The following ATXN1 variants were observed in gnomAD, a reference collection of about 807,000 sequenced individuals.
ATXN1 encodes ataxin 1, also known as ataxin-1.
A neutral mutation model predicts 56.4 loss-of-function variants in ATXN1; 8 were observed. The observed-to-expected ratio is 0.14, with a 90% CI of 0.08 to 0.26. The LOEUF (loss-of-function observed/expected upper bound fraction) is 0.26. ATXN1 is among the 10% of genes least tolerant of loss of function. The pLI is 1.00. For synonymous variants in ATXN1, 514 were observed against 494.6 expected (o/e 1.04, Z -0.52); for missense variants, 987 against 1,106.5 (o/e 0.89, Z 1.53).
chr6:16,751,529 C>T (rs1299405761), intron 2 of ATXN1, among the ~76,000 whole-genome samples: 1 of 151,740 alleles, frequency 6.6e-6, no homozygotes. Flanking sequence ...TTTATTTTTA[C>T]TCAGACCACA....
rs369025784 is a variant in ATXN1 at position 16,314,015 on chromosome 6, A to T, written c.1918-7156T>A. Among the ~76,000 whole-genome samples the T allele has an allele frequency of 1.5e-4, 23 of 152,318 alleles. No individual in the cohort carries two copies. The East Asian group carries it at 3.7e-3, about 24-fold the overall frequency. ...CCCTGCGAAAAGATGCCACGACCAG[A>T]TATCAGCTGGGTCCATGAAAGCTGA... is the stretch of plus-strand genomic sequence containing the variant. On this transcript the variant is annotated intron_variant, in intron 7 of 7. Transcript: ENST00000436367.
At chr6:16,416,842 G>T (rs1369398812) in intron 6 of ATXN1, among the ~76,000 whole-genome samples, 1 of 152,146 alleles carries the variant, frequency 6.6e-6, no homozygotes, top group Non-Finnish European at 1.5e-5. Flanking sequence ...CCATAAAGCA[G>T]AAACCCCATA....
At chr6:16,682,149 G>C (rs571894343) in intron 2 of ATXN1, among the ~76,000 whole-genome samples, 1 of 150,578 alleles carries the variant, frequency 6.6e-6, no homozygotes, top group East Asian at 2.0e-4. Context: ...CCAGGCCTCA[G>C]CATCACCCCC....
At chr6:16,349,724 T>G (rs1232964302) in intron 6 of ATXN1, among the ~76,000 whole-genome samples, 1 of 152,104 alleles carries the variant, frequency 6.6e-6, no homozygotes, top group Non-Finnish European at 1.5e-5. Flanking sequence ...TAGAAAATAC[T>G]CCACACTAGT....
intron 6 of ATXN1, among the ~76,000 whole-genome samples, chr6:16,455,845 T>C (rs760013872): frequency 4.6e-5 from 7 of 152,126 alleles, no homozygotes; most frequent in African/African-American, 9.7e-5. Flanking sequence ...TATAAGAGGT[T>C]TGTAAAGCGC....
chr6:16,500,833 A>G (rs950039817), intron 5 of ATXN1, among the ~76,000 whole-genome samples: 18 of 152,118 alleles, frequency 1.2e-4, no homozygotes, highest in Admixed American at 6.6e-5. Flanking sequence ...AAGCTTAATC[A>G]GTAGTGAGTG....
intron 5 of ATXN1, among the ~76,000 whole-genome samples, chr6:16,486,783 G>A (rs1760555278): frequency 1.3e-5 from 2 of 152,088 alleles, no homozygotes; most frequent in Admixed American, 6.6e-5. Flanking sequence ...ATGCAGGAGC[G>A]TGGTTATTTG....
intron 4 of ATXN1, among the ~76,000 whole-genome samples, chr6:16,559,212 T>C (rs1762070341): frequency 6.6e-6 from 1 of 152,188 alleles, no homozygotes; most frequent in Non-Finnish European, 1.5e-5. Flanking sequence ...GAGGGCAATT[T>C]GGCAAGGTTT....
intron 4 of ATXN1, among the ~76,000 whole-genome samples, chr6:16,537,193 C>T (rs948101783): frequency 2.6e-5 from 4 of 151,948 alleles, no homozygotes; most frequent in Non-Finnish European, 4.4e-5. Context: ...GTGCATCAAC[C>T]GTCCCTGAAT....
At chr6:16,543,924 C>T (rs1216886412) in intron 4 of ATXN1, among the ~76,000 whole-genome samples, 1 of 152,142 alleles carries the variant, frequency 6.6e-6, no homozygotes, top group African/African-American at 2.4e-5. Context: ...TCGATTGCAG[C>T]ATGGGAAAAC....
intron 2 of ATXN1, among the ~76,000 whole-genome samples, chr6:16,694,861 G>A (rs1759127761): frequency 6.6e-6 from 1 of 152,166 alleles, no homozygotes; most frequent in South Asian, 2.1e-4. Flanking sequence ...TCCTCAAGTG[G>A]AGTCGAACTC....
chr6:16,587,115 T>A (rs754632274), intron 3 of ATXN1, among the ~76,000 whole-genome samples: 9 of 152,212 alleles, frequency 5.9e-5, no homozygotes, highest in Non-Finnish European at 1.0e-4. Flanking sequence ...GATTTGACTG[T>A]ACTTTGATTT....
intron 3 of ATXN1, among the ~76,000 whole-genome samples, chr6:16,621,525 C>T (rs1488031519): frequency 1.3e-5 from 2 of 152,168 alleles, no homozygotes; most frequent in African/African-American, 4.8e-5. Context: ...AGTTCAAGAC[C>T]ACCCTGGCCA....
chr6:16,305,855 C>A lies in ATXN1; in HGVS notation c.*474G>T, dbSNP rs760814802. 3.7e-4 allele frequency: 58 copies of A among 156,136 alleles called. 1 individual carries two copies. The highest frequency in any genetic ancestry group is 6.2e-4 in the Non-Finnish European group (44 of 70,520). 9.7% of individuals were successfully genotyped at this position (156,136 alleles called of 1,614,324 possible). On this transcript the variant is annotated 3_prime_UTR_variant, in exon 8 of 8. Coordinates refer to ENST00000436367, the MANE Select transcript of ATXN1 (RefSeq NM_001128164.2). Reference sequence around the variant, plus strand: ...AGGAGGACACTGCTCTGAACCCCCCCGGCCCATGCCGATAGCAAGAGAGTG... The same window carrying A: ...AGGAGGACACTGCTCTGAACCCCCCAGGCCCATGCCGATAGCAAGAGAGTG...
In ATXN1 at chr6:16,758,406, C is replaced by A. The variant is rs144467282; in HGVS notation, c.-730+2892G>T. Among the ~76,000 whole-genome samples, 353 of 152,338 alleles carry A rather than the reference C, an allele frequency of 2.3e-3. 3 individuals carry two copies. The highest frequency in any genetic ancestry group is 8.2e-3 in the African/African-American group (340 of 41,572). On this transcript the variant is annotated intron_variant, in intron 1 of 7. Coordinates refer to ENST00000436367, the MANE Select transcript of ATXN1 (RefSeq NM_001128164.2). ...TACTTGTTGATCTGTTCACAATAAACACCAGCAGGATTGTCAGGCTCCTTT... is the reference window on the plus strand; with the variant it reads ...TACTTGTTGATCTGTTCACAATAAAAACCAGCAGGATTGTCAGGCTCCTTT...
At chr6:16,722,431 T>C (rs1420235538) in intron 2 of ATXN1, among the ~76,000 whole-genome samples, 3 of 152,222 alleles carry the variant, frequency 2.0e-5, no homozygotes, top group Non-Finnish European at 4.4e-5. Context: ...AAAGAAAAGA[T>C]ACATTTAAAT....
chr6:16,603,070 G>C (rs1378256464), intron 3 of ATXN1, among the ~76,000 whole-genome samples: 2 of 152,166 alleles, frequency 1.3e-5, no homozygotes, highest in Non-Finnish European at 2.9e-5. Flanking sequence ...TAAAATAAAA[G>C]ATAAAAGCAG....
chr6:16,391,413 C>T (rs1482225862), intron 6 of ATXN1, among the ~76,000 whole-genome samples: 2 of 152,100 alleles, frequency 1.3e-5, no homozygotes, highest in Non-Finnish European at 2.9e-5. Flanking sequence ...CATTTGCAGT[C>T]TCTAATGGCC....
intron 2 of ATXN1, among the ~76,000 whole-genome samples, chr6:16,670,913 T>G (rs999865255): frequency 1.3e-5 from 2 of 152,228 alleles, no homozygotes; most frequent in Non-Finnish European, 2.9e-5. Flanking sequence ...CAACTCAATT[T>G]TATATTTCAT....
Sources: allele counts gnomAD v4.1 joint callset (sites outside exome capture counted in the v4.1 genomes callset), GRCh38; gene constraint gnomAD v4.1.1; transcripts MANE v1.5; gene names NCBI Gene and HGNC (gene_info 2026-07-23, HGNC 2026-07-21).